Variants in TPD52 observed in about 807,000 individuals in gnomAD.
TPD52 encodes tumor protein D52.
TPD52 carries 17 observed loss-of-function variants against 31.3 expected under a neutral mutation model. The ratio of observed to expected loss-of-function variants is 0.54; its 90% CI spans 0.37 to 0.82. The LOEUF is 0.82. Among genes scored for constraint, TPD52 ranks in the 40% least tolerant of loss-of-function variants. TPD52 has a pLI of 0.00. For synonymous variants in TPD52, 83 were observed against 89.6 expected (o/e 0.93, Z 0.42); for missense variants, 212 against 240.1 (o/e 0.88, Z 0.77).
At chr8:80,075,923 C>T (rs1563603069) in intron 1 of TPD52, among the ~76,000 whole-genome samples, 1 of 152,150 alleles carries the variant, frequency 6.6e-6, no homozygotes, top group Non-Finnish European at 1.5e-5. Flanking sequence ...GAGAATGACA[C>T]AGAGTGAAAA....
chr8:80,102,543 G>C (rs571690068), intron 1 of TPD52, among the ~76,000 whole-genome samples: 1 of 152,314 alleles, frequency 6.6e-6, no homozygotes, highest in Non-Finnish European at 1.5e-5. Flanking sequence ...CTGGAGGCTG[G>C]CTACAGAGGG....
At chr8:80,089,561 T>G (rs2130875277) in intron 1 of TPD52, among the ~76,000 whole-genome samples, 1 of 152,154 alleles carries the variant, frequency 6.6e-6, no homozygotes, top group South Asian at 2.1e-4. Context: ...AAAAAAAATT[T>G]GAAGAGAAGA....
chr8:80,077,301 A>T (rs1412905564), intron 1 of TPD52, among the ~76,000 whole-genome samples: 1 of 151,552 alleles, frequency 6.6e-6, no homozygotes, highest in Non-Finnish European at 1.5e-5. Context: ...AATTCTTAAG[A>T]GGAAGATAGG....
chr8:80,122,405 G>T (rs374536296), intron 1 of TPD52, among the ~76,000 whole-genome samples: 40 of 152,320 alleles, frequency 2.6e-4, no homozygotes, highest in African/African-American at 9.1e-4. Flanking sequence ...GCTCCTCAGA[G>T]ATGGGCATGC....
At chr8:80,051,704 GTGGTCACCACCTGC>G in intron 3 of TPD52, 76 bp from the exon 4 acceptor site, 1 of 1,185,876 alleles carries the variant, frequency 8.4e-7, no homozygotes, top group Non-Finnish European at 1.2e-6. Context: ...TTCAAGTGCA[GTGGTCACCACCTGC>G]TGGAGAACTC....
chr8:80,049,601 T>C (rs1015522821), intron 5 of TPD52, among the ~76,000 whole-genome samples: 1 of 151,200 alleles, frequency 6.6e-6, no homozygotes, highest in Non-Finnish European at 1.5e-5. Context: ...TCTGCATCCA[T>C]AGGAACAGAG....
intron 1 of TPD52, among the ~76,000 whole-genome samples, chr8:80,144,623 TTC>T (rs1810067657): frequency 6.6e-6 from 1 of 152,156 alleles, no homozygotes; most frequent in Non-Finnish European, 1.5e-5. Flanking sequence ...CCCAGGGAAG[TTC>T]ATGGGAGGCA....
At chr8:80,108,282 ATTTG>A (rs959306777) in intron 1 of TPD52, among the ~76,000 whole-genome samples, 45 of 152,188 alleles carry the variant, frequency 3.0e-4, no homozygotes, top group African/African-American at 1.0e-3. Context: ...ATTCAAGTAT[ATTTG>A]TTTAAGAAGG....
intron 1 of TPD52, among the ~76,000 whole-genome samples, chr8:80,131,357 A>T (rs1809006558): frequency 1.3e-5 from 2 of 152,242 alleles, no homozygotes; most frequent in Admixed American, 1.3e-4. Context: ...CTGTATACAT[A>T]TTTCAAAGGA....
Position 80,034,915 on chromosome 8 carries a change from A to G in TPD52, c.*3201T>C, listed in dbSNP as rs1809801473. On this transcript the variant is annotated 3_prime_UTR_variant, in exon 8 of 8. Transcript: ENST00000518937. ...ATTTGAGTACAAAATCCTGGCAGGCAAAAGCACTTGCAGACCCGACTCTCT... is the reference window on the plus strand; with the variant it reads ...ATTTGAGTACAAAATCCTGGCAGGCGAAAGCACTTGCAGACCCGACTCTCT... 1 of 152,200 alleles carries G rather than the reference A, an allele frequency of 6.6e-6. No individual in the cohort carries two copies. The highest frequency in any genetic ancestry group is 2.1e-4 in the South Asian group (1 of 4,832). The allele number at this position is 152,200 out of a possible 1,614,324, so 9.4% of individuals were successfully genotyped here.
intron 1 of TPD52, among the ~76,000 whole-genome samples, chr8:80,106,779 T>C (rs1345958708): frequency 6.7e-6 from 1 of 150,366 alleles, no homozygotes. Context: ...GAAGATGATA[T>C]CTGTGGCCAT....
chr8:80,033,266 C>T (rs1393224865), downstream of TPD52: 1 of 145,430 alleles, frequency 6.9e-6, no homozygotes, highest in Non-Finnish European at 1.5e-5. Context: ...CAGAAGGGCT[C>T]AACTCTTCTC....
chr8:80,153,563 T>C (rs1380846743), intron 1 of TPD52, among the ~76,000 whole-genome samples: 1 of 152,248 alleles, frequency 6.6e-6, no homozygotes, highest in Non-Finnish European at 1.5e-5. Flanking sequence ...TACTAGAGGT[T>C]AAGTCAATAA....
intron 5 of TPD52, among the ~76,000 whole-genome samples, chr8:80,048,959 A>C (rs1811117796): frequency 6.6e-6 from 1 of 152,242 alleles, no homozygotes; most frequent in Non-Finnish European, 1.5e-5. Context: ...AAGGAGCTAG[A>C]AAACAGTTGC....
At chr8:80,072,798 C>CAT (rs779389191) in intron 1 of TPD52, among the ~76,000 whole-genome samples, 2,418 of 141,016 alleles carry the variant, frequency 0.017, 172 homozygotes, top group African/African-American at 0.056. Context: ...CACACACACA[C>CAT]ATATATATAT....
rs1809834216 is a variant in TPD52 at position 80,035,430 on chromosome 8, A to G, written c.*2686T>C. 6.6e-6 allele frequency: 1 copy of G among 152,232 alleles called. No homozygotes were observed. Among genetic ancestry groups the G allele is most frequent in the Non-Finnish European group, 1.5e-5 (1 of 68,034 alleles). 9.4% of individuals were successfully genotyped at this position (152,232 alleles called of 1,614,324 possible). On this transcript the variant is annotated 3_prime_UTR_variant, in exon 8 of 8. Coordinates refer to ENST00000518937, the MANE Select transcript of TPD52 (RefSeq NM_001025253.3). The stretch of plus-strand genomic sequence containing the variant: ...TGGCTCTTTAAGTATCATATCCAGA[A>G]TATGAAGGGTTTGGAGAGAAGTTGC...
intron 1 of TPD52, among the ~76,000 whole-genome samples, chr8:80,100,715 A>G (rs762721817): frequency 6.6e-5 from 10 of 152,234 alleles, no homozygotes; most frequent in Admixed American, 3.3e-4. Flanking sequence ...AAACTGTGGC[A>G]TTAGATTCTA....
chr8:80,055,695 A>G (rs1811802877), intron 2 of TPD52, among the ~76,000 whole-genome samples: 1 of 152,238 alleles, frequency 6.6e-6, no homozygotes, highest in African/African-American at 2.4e-5. Flanking sequence ...ACAACAAAAC[A>G]AACAAGCAAT....
At chr8:80,134,850 C>T (rs1809279978) in intron 1 of TPD52, among the ~76,000 whole-genome samples, 1 of 152,220 alleles carries the variant, frequency 6.6e-6, no homozygotes, top group Non-Finnish European at 1.5e-5. Context: ...CTCCAAGACT[C>T]CTGACTTGTT....
Sources: gnomAD v4.1 joint callset for allele counts (sites outside exome capture counted in the v4.1 genomes callset) on GRCh38, gnomAD v4.1.1 for gene constraint, MANE v1.5 for transcripts, NCBI Gene and HGNC (gene_info 2026-07-23, HGNC 2026-07-21) for gene names.